The following KLF17 variants were observed in gnomAD, a reference collection of about 807,000 sequenced individuals.
The protein encoded by KLF17 is KLF transcription factor 17.
A neutral mutation model predicts 34.2 loss-of-function variants in KLF17; 31 were observed. The ratio of observed to expected loss-of-function variants is 0.91; its 90% confidence interval spans 0.68 to 1.22. The LOEUF (loss-of-function observed/expected upper bound fraction) is 1.22, where lower values mean the gene tolerates loss of function less well. Ranked by LOEUF, KLF17 falls within the 50% of genes most tolerant of loss-of-function variation. KLF17 has a pLI of 0.00. For synonymous variants in KLF17, 179 were observed against 186.7 expected (o/e 0.96, Z 0.34); for missense variants, 478 against 505.2 (o/e 0.95, Z 0.52).
chr1:44,130,465 T>G, intron 2 of KLF17, 47 bp from the exon 3 acceptor site: 1 of 1,611,660 alleles, frequency 6.2e-7, no homozygotes, highest in Non-Finnish European at 8.5e-7. Context: ...TTAGACCCCT[T>G]CCTTCCTACT....
chr1:44,099,874 A>G, the KLF17 span, among the ~76,000 whole-genome samples: 43 of 66,340 alleles, frequency 6.5e-4, no homozygotes, highest in Admixed American at 9.7e-4. Flanking sequence ...AGAAAGAAAG[A>G]AAGAAAGAAA....
At chr1:44,132,381 C>T (rs1180800491) in intron 3 of KLF17, among the ~76,000 whole-genome samples, 1 of 152,072 alleles carries the variant, frequency 6.6e-6, no homozygotes, top group African/African-American at 2.4e-5. Flanking sequence ...CCCTTTTCCC[C>T]TGCCTTTCAT....
At chr1:44,069,512 G>GAGAGA in the KLF17 span, among the ~76,000 whole-genome samples, 1,630 of 114,256 alleles carry the variant, frequency 0.014, 25 homozygotes, top group Non-Finnish European at 0.017. The surrounding 1 kb of genome is among the most constrained non-coding windows in gnomAD (Gnocchi z 4.7). Flanking sequence ...GAGAGAGAGA[G>GAGAGA]AAGACAGGAG....
chr1:44,073,209 C>T, the KLF17 span, among the ~76,000 whole-genome samples: 13 of 137,792 alleles, frequency 9.4e-5, no homozygotes, highest in East Asian at 4.3e-4. Flanking sequence ...TCTTCTTCTT[C>T]TTTTTTTTTT....
In KLF17 at chr1:44,127,907, G is replaced by C. The variant is rs183114524; in HGVS notation, c.82-1446G>C. On this transcript the variant is annotated intron_variant, in intron 1 of 3. Coordinates refer to ENST00000372299, the MANE Select transcript of KLF17 (RefSeq NM_173484.4). ...TGCAATCTTCAATTTCTGTCTTGGT[G>C]GTTTATTATCTTGTATGGATATTGT... Among the ~76,000 whole-genome samples, 635 of 137,194 alleles carry C rather than the reference G, an allele frequency of 4.6e-3. 3 individuals carry two copies. Among genetic ancestry groups the C allele is most frequent in the African/African-American group, 0.017 (614 of 36,668 alleles). The allele number at this position is 137,194 out of a possible 152,430, so 90.0% of individuals were successfully genotyped here.
chr1:44,046,317 A>G, the KLF17 span: 1 of 151,332 alleles, frequency 6.6e-6, no homozygotes, highest in African/African-American at 2.4e-5. Context: ...TCCTGGACTC[A>G]AGTGATTCTC....
the KLF17 span, among the ~76,000 whole-genome samples, chr1:44,086,634 A>T: frequency 3.3e-5 from 5 of 152,218 alleles, no homozygotes; most frequent in Admixed American, 1.3e-4. Context: ...TTGCATCCTG[A>T]TGGTGATTAT....
the KLF17 span, among the ~76,000 whole-genome samples, chr1:44,069,595 C>G: frequency 4.6e-5 from 7 of 152,186 alleles, no homozygotes; most frequent in African/African-American, 1.7e-4. This position sits in a 1 kb window ranked among gnomAD's most constrained non-coding sequence, Gnocchi z 4.7. Flanking sequence ...AAGGACAGCA[C>G]GAAGCCATTC....
At chr1:44,111,629 A>C in the KLF17 span, among the ~76,000 whole-genome samples, 15 of 152,070 alleles carry the variant, frequency 9.9e-5, no homozygotes, top group Admixed American at 6.6e-5. Context: ...AAACTAAGAA[A>C]TAGCCTGTAA....
intron 1 of KLF17, among the ~76,000 whole-genome samples, chr1:44,127,002 C>G (rs2088015203): frequency 6.6e-6 from 1 of 151,620 alleles, no homozygotes; most frequent in Non-Finnish European, 1.5e-5. Flanking sequence ...CTCAAGTGAT[C>G]CTTTCCACTT....
At chr1:44,091,635 C>CAAAA in the KLF17 span, among the ~76,000 whole-genome samples, 18 of 78,994 alleles carry the variant, frequency 2.3e-4, no homozygotes, top group South Asian at 4.4e-4. Flanking sequence ...GACTCCATCT[C>CAAAA]AAAAAAAAAA....
the KLF17 span, among the ~76,000 whole-genome samples, chr1:44,062,362 T>C: frequency 6.6e-6 from 1 of 152,182 alleles, no homozygotes; most frequent in African/African-American, 2.4e-5. Context: ...TATATCTGTC[T>C]ACACAAACCC....
intron 1 of KLF17, among the ~76,000 whole-genome samples, chr1:44,123,141 A>G (rs533963881): frequency 3.9e-5 from 6 of 152,260 alleles, no homozygotes; most frequent in East Asian, 3.9e-4. Flanking sequence ...TTCCAGCCCA[A>G]AATGAACCAT....
At chr1:44,060,065 C>T in the KLF17 span, among the ~76,000 whole-genome samples, 9 of 152,096 alleles carry the variant, frequency 5.9e-5, no homozygotes, top group African/African-American at 2.2e-4. Flanking sequence ...TGTGTACCCC[C>T]CCAGGCTCAT....
intron 3 of KLF17, among the ~76,000 whole-genome samples, chr1:44,131,279 G>C (rs146006508): frequency 6.6e-6 from 1 of 152,142 alleles, no homozygotes; most frequent in East Asian, 1.9e-4. Flanking sequence ...ACCTGCTTCT[G>C]CTGGAGTTTA....
At chr1:44,070,042 C>G in the KLF17 span, 1 of 152,118 alleles carries the variant, frequency 6.6e-6, no homozygotes, top group African/African-American at 2.4e-5. Context: ...ACCTTTGACC[C>G]TCTGGTTTTA....
At chr1:44,063,342 TTG>T in the KLF17 span, among the ~76,000 whole-genome samples, 1 of 152,302 alleles carries the variant, frequency 6.6e-6, no homozygotes, top group East Asian at 1.9e-4. Context: ...TAAAGTTGAT[TTG>T]TACATATTAC....
At chr1:44,107,096 A>C in the KLF17 span, 1 of 152,134 alleles carries the variant, frequency 6.6e-6, no homozygotes, top group Admixed American at 6.6e-5. Flanking sequence ...TGATGGGTTG[A>C]TGAATGTGAG....
Position 44,134,505 on chromosome 1 carries a change from CGACTGAGCGA to C in KLF17, c.*1273_*1282del, listed in dbSNP as rs1557735567. ...TCTCACCATTGCACTCCAGCCTGGG[CGACTGAGCGA>C]GACTCTATCTCAAAACAATCAAAAC... is the stretch of plus-strand genomic sequence containing the variant. On this transcript the variant is annotated 3_prime_UTR_variant, in exon 4 of 4. Transcript: ENST00000372299. 2 of 144,330 alleles carry C rather than the reference CGACTGAGCGA, an allele frequency of 1.4e-5. No individual in the cohort carries two copies. Among genetic ancestry groups the C allele is most frequent in the Non-Finnish European group, 3.1e-5 (2 of 64,054 alleles). 8.9% of individuals were successfully genotyped at this position (144,330 alleles called of 1,614,324 possible).
Sources: allele counts gnomAD v4.1 joint callset (sites outside exome capture counted in the v4.1 genomes callset), GRCh38; gene constraint gnomAD v4.1.1; non-coding constraint Gnocchi (gnomAD v3.1); transcripts MANE v1.5; gene names NCBI Gene and HGNC (gene_info 2026-07-23, HGNC 2026-07-21).